The following GLCCI1 variants were observed in gnomAD, a reference collection of about 807,000 sequenced individuals.
GLCCI1 encodes the protein glucocorticoid-induced transcript 1 protein.
In GLCCI1, 24 loss-of-function variants were observed where a neutral mutation model predicts 52.2. The ratio of observed to expected loss-of-function variants is 0.46; its 90% CI spans 0.33 to 0.65. The LOEUF is 0.65. Among genes scored for constraint, GLCCI1 ranks in the 30% least tolerant of loss-of-function variants. GLCCI1 has a pLI of 0.02. For synonymous variants in GLCCI1, 310 were observed against 276.5 expected (o/e 1.12, Z -1.20); for missense variants, 704 against 701.5 (o/e 1.00, Z -0.04).
At chr7:7,988,586 C>T (rs1245509117) in intron 1 of GLCCI1, among the ~76,000 whole-genome samples, 1 of 151,858 alleles carries the variant, frequency 6.6e-6, no homozygotes, top group African/African-American at 2.4e-5. Context: ...GGGGTAGATA[C>T]GACTTTTGAA....
At chr7:8,023,082 C>G (rs1177400199) in intron 3 of GLCCI1, among the ~76,000 whole-genome samples, 1 of 152,188 alleles carries the variant, frequency 6.6e-6, no homozygotes, top group Admixed American at 6.5e-5. Context: ...GTGGCGCAAT[C>G]TTGGCTTACT....
Position 8,084,946 on chromosome 7 carries a change from AAAC to A in GLCCI1, c.1232_1234del (p.Asn411del). 6.2e-7 allele frequency: 1 copy of A among 1,614,164 alleles called. No individual in the cohort carries two copies. The highest frequency in any genetic ancestry group is 8.5e-7 in the Non-Finnish European group (1 of 1,180,008). ...CCAAGTATGCTTCATCTCCCAAACC[AAAC>A]AACAGCTACATGTTCAAACGGGAGC... On this transcript the variant is annotated inframe_deletion, in exon 7 of 8. Coordinates refer to ENST00000223145, the MANE Select transcript of GLCCI1 (RefSeq NM_138426.4).
chr7:8,078,208 T>TAAAAAAAAAA (rs5882151), intron 6 of GLCCI1, among the ~76,000 whole-genome samples: 1 of 86,236 alleles, frequency 1.2e-5, no homozygotes, highest in Non-Finnish European at 2.2e-5. Flanking sequence ...GACTCCGTCT[T>TAAAAAAAAAA]AAAAAAAAAA....
intron 3 of GLCCI1, among the ~76,000 whole-genome samples, chr7:8,044,798 T>C (rs1373738655): frequency 6.6e-6 from 1 of 152,192 alleles, no homozygotes; most frequent in African/African-American, 2.4e-5. Context: ...CCTGTAAGAA[T>C]GCAATGTGAA....
At chr7:8,000,180 C>A (rs950655826) in intron 1 of GLCCI1, among the ~76,000 whole-genome samples, 1 of 151,972 alleles carries the variant, frequency 6.6e-6, no homozygotes, top group African/African-American at 2.4e-5. Context: ...TGTGTTTCTT[C>A]GCAGTGGAAG....
At chr7:8,058,412 G>A (rs2127960018) in intron 4 of GLCCI1, among the ~76,000 whole-genome samples, 1 of 152,110 alleles carries the variant, frequency 6.6e-6, no homozygotes, top group East Asian at 1.9e-4. Context: ...GTCTTCAAAG[G>A]CCAATGAAAA....
intron 3 of GLCCI1, among the ~76,000 whole-genome samples, chr7:8,049,111 T>C (rs1782200318): frequency 6.6e-6 from 1 of 152,172 alleles, no homozygotes; most frequent in Non-Finnish European, 1.5e-5. Context: ...GCAAGCCCTC[T>C]CATTAGTACG....
intron 4 of GLCCI1, among the ~76,000 whole-genome samples, chr7:8,058,829 T>TAACA (rs1782455885): frequency 6.6e-6 from 1 of 152,238 alleles, no homozygotes; most frequent in Non-Finnish European, 1.5e-5. Context: ...CTTAACCTAC[T>TAACA]AACAGCGTAC....
chr7:7,978,151 T>A (rs978672524), intron 1 of GLCCI1, among the ~76,000 whole-genome samples: 1 of 152,224 alleles, frequency 6.6e-6, no homozygotes, highest in Non-Finnish European at 1.5e-5. Flanking sequence ...GACCTATCAC[T>A]TTGTTTAGAC....
intron 3 of GLCCI1, among the ~76,000 whole-genome samples, chr7:8,040,124 A>G (rs1354594358): frequency 6.6e-6 from 1 of 152,168 alleles, no homozygotes; most frequent in Non-Finnish European, 1.5e-5. Context: ...AAGAGAATGT[A>G]TGAATGGCAG....
rs62433381 is a variant in GLCCI1 at position 7,974,529 on chromosome 7, G to A, written c.457+4722G>A. ...TGGGGAAATGTTGAAGGATAATGGC[G>A]TCCTTGTGATTTTTGTTTTACTTGT... On this transcript the variant is annotated intron_variant, in intron 1 of 7. Coordinates refer to ENST00000223145, the MANE Select transcript of GLCCI1 (RefSeq NM_138426.4). Among the ~76,000 whole-genome samples, 431 of 152,212 alleles carry A rather than the reference G, an allele frequency of 2.8e-3. 3 individuals carry two copies. Among genetic ancestry groups the A allele is most frequent in the Non-Finnish European group, 4.2e-3 (285 of 67,982 alleles).
chr7:8,014,085 G>A (rs1781328360), intron 2 of GLCCI1, among the ~76,000 whole-genome samples: 1 of 151,780 alleles, frequency 6.6e-6, no homozygotes, highest in African/African-American at 2.4e-5. Context: ...CACCTTCTAG[G>A]TTCAAGTGAT....
In GLCCI1 at chr7:8,037,324, A is replaced by G. The variant is rs142881832; in HGVS notation, c.696+14755A>G. On this transcript the variant is annotated intron_variant, in intron 3 of 7. Transcript: ENST00000223145. The stretch of plus-strand genomic sequence containing the variant: ...GCTCGGTAAGTGAAGGGGAAATAGT[A>G]TTTCCCAGACACGTGAATGCCAAAG... Among the ~76,000 whole-genome samples, 205 of 152,328 alleles carry G rather than the reference A, an allele frequency of 1.3e-3. 3 individuals carry two copies. Among genetic ancestry groups the G allele is most frequent in the African/African-American group, 4.6e-3 (190 of 41,578 alleles).
At chr7:8,053,356 C>T (rs1352155510) in intron 3 of GLCCI1, among the ~76,000 whole-genome samples, 1 of 144,522 alleles carries the variant, frequency 6.9e-6, no homozygotes, top group African/African-American at 2.6e-5. Flanking sequence ...GACAGTCTCG[C>T]ACTGTCGCCC....
chr7:8,086,388 A>G lies in GLCCI1; in HGVS notation c.1494A>G (p.Ser498=). The G allele has an allele frequency of 1.9e-6, 3 of 1,614,016 alleles. No individual in the cohort carries two copies. The highest frequency in any genetic ancestry group is 1.7e-6 in the Non-Finnish European group (2 of 1,179,996). The stretch of plus-strand genomic sequence containing the variant: ...CAACTCTGACCGTTGAGCAGCTCTC[A>G]TCCCGGGTTTCCTTTACGTCTCTTT... ...ALATLTVEQL[S]SRVSFTSLSD... The change falls in exon 8 of 8, where the codon TCA becomes TCG. Residue 498 remains serine (S), a synonymous_variant. Coordinates refer to ENST00000223145, the MANE Select transcript of GLCCI1 (RefSeq NM_138426.4). This position sits in a 1 kb window ranked among gnomAD's most constrained non-coding sequence, Gnocchi z 4.4.
At chr7:8,049,766 A>G (rs1782216319) in intron 3 of GLCCI1, among the ~76,000 whole-genome samples, 1 of 152,184 alleles carries the variant, frequency 6.6e-6, no homozygotes, top group South Asian at 2.1e-4. Flanking sequence ...TTACAGTTGA[A>G]CATTCACACA....
chr7:8,060,621 T>C (rs1782493117), intron 5 of GLCCI1, among the ~76,000 whole-genome samples: 1 of 152,216 alleles, frequency 6.6e-6, no homozygotes, highest in Non-Finnish European at 1.5e-5. Context: ...TAACTTAGCA[T>C]AGTGTTTTTA....
chr7:8,084,477 C>T (rs988104822), intron 6 of GLCCI1, among the ~76,000 whole-genome samples: 2 of 152,018 alleles, frequency 1.3e-5, no homozygotes, highest in African/African-American at 4.8e-5. Context: ...TTGTAATGAA[C>T]ATTATTCATT....
At chr7:8,013,748 G>A (rs1472292594) in intron 2 of GLCCI1, among the ~76,000 whole-genome samples, 1 of 151,918 alleles carries the variant, frequency 6.6e-6, no homozygotes, top group Non-Finnish European at 1.5e-5. Flanking sequence ...TGTCTTTTTT[G>A]GTTGCTGTTG....
Sources: gnomAD v4.1 joint callset for allele counts (sites outside exome capture counted in the v4.1 genomes callset) on GRCh38, gnomAD v4.1.1 for gene constraint, Gnocchi (gnomAD v3.1) non-coding constraint, MANE v1.5 for transcripts, NCBI Gene and HGNC (gene_info 2026-07-23, HGNC 2026-07-21) for gene names.